Variants in MGAT3 observed in about 807,000 individuals in gnomAD.
MGAT3 encodes the protein beta-1,4-mannosyl-glycoprotein 4-beta-N-acetylglucosaminyltransferase.
MGAT3 carries 9 observed loss-of-function variants against 29.8 expected under a neutral mutation model. The ratio of observed to expected loss-of-function variants is 0.30; its 90% CI spans 0.18 to 0.53. The LOEUF (loss-of-function observed/expected upper bound fraction) is 0.53, where lower values mean the gene tolerates loss of function less well. Among genes scored for constraint, MGAT3 ranks in the 20% least tolerant of loss-of-function variants. MGAT3 has a pLI of 0.96. For missense variants in MGAT3, 557 were observed against 769.5 expected, an observed-to-expected ratio of 0.72 and a Z score of 3.27; for synonymous variants, 397 against 348.9, an observed-to-expected ratio of 1.14 and a Z score of -1.54.
At chr22:39,482,551 A>C (rs949935727) in intron 1 of MGAT3, among the ~76,000 whole-genome samples, 27 of 152,244 alleles carry the variant, frequency 1.8e-4, no homozygotes, top group Non-Finnish European at 3.4e-4. Context: ...GGCAGTTTAA[A>C]TAACCTACCA....
At chr22:39,483,043 C>T (rs749277680) in intron 1 of MGAT3, among the ~76,000 whole-genome samples, 1 of 152,226 alleles carries the variant, frequency 6.6e-6, no homozygotes, top group African/African-American at 2.4e-5. Flanking sequence ...TTCCTTGCCT[C>T]TCTGAGTTCC....
intron 1 of MGAT3, among the ~76,000 whole-genome samples, chr22:39,463,252 C>T (rs1928547036): frequency 6.6e-6 from 1 of 152,252 alleles, no homozygotes; most frequent in Non-Finnish European, 1.5e-5. Flanking sequence ...GCACTATTAT[C>T]ATCCCTGTTT....
intron 1 of MGAT3, among the ~76,000 whole-genome samples, chr22:39,473,359 C>T (rs533933808): frequency 1.6e-4 from 24 of 152,260 alleles, no homozygotes; most frequent in African/African-American, 5.3e-4. Flanking sequence ...CACATGGAGA[C>T]GGGCAGGGCT....
intron 1 of MGAT3, among the ~76,000 whole-genome samples, chr22:39,469,085 T>A (rs1226204402): frequency 9.0e-6 from 1 of 111,712 alleles, no homozygotes; most frequent in Non-Finnish European, 1.8e-5. Flanking sequence ...ATTTGGGAAG[T>A]GCGGGCAGTG....
At position 39,490,486 on chromosome 22, in the gene MGAT3, G is replaced by C. The variant is rs542891844; in HGVS notation, c.*1537G>C. 36 of 167,396 alleles carry C rather than the reference G, an allele frequency of 2.2e-4. No homozygotes were observed. Among genetic ancestry groups the C allele is most frequent in the African/African-American group, 7.2e-4 (30 of 41,576 alleles). The allele number at this position is 167,396 out of a possible 1,614,324, so 10.4% of individuals were successfully genotyped here. A position where few individuals can be genotyped will look rare whatever the true frequency, so the allele number is the denominator to read the frequency against. ...GGGGACCAGTAGCATCTCTGGGAGA[G>C]GGGGAGGGAGCAGCAATAACTCAGT... On this transcript the variant is annotated 3_prime_UTR_variant, in exon 2 of 2. Coordinates refer to ENST00000341184, the MANE Select transcript of MGAT3 (RefSeq NM_002409.5).
In MGAT3 at chr22:39,487,618, G is replaced by C; in HGVS notation, c.271G>C (p.Glu91Gln). 3 of 1,611,690 alleles carry C rather than the reference G, an allele frequency of 1.9e-6. No individual in the cohort carries two copies. Among genetic ancestry groups the C allele is most frequent in the Non-Finnish European group, 2.5e-6 (3 of 1,179,278 alleles). The change falls in exon 2 of 2, where the codon GAG becomes CAG. Residue 91 changes from glutamate to glutamine, a missense_variant. By Grantham distance (29) the Glu-to-Gln change is conservative (BLOSUM62 2). Transcript: ENST00000341184. The surrounding 1 kb of genome is among the most constrained non-coding windows in gnomAD (Gnocchi z 5.7). Reference protein sequence around the residue: ...LQPLPPSKAAEELHRVDLVLP... With the variant: ...LQPLPPSKAAQELHRVDLVLP... ...GCCGCTGCCGCCCAGCAAGGCGGCCGAGGAGCTCCACCGGGTGGACTTGGT... is the reference window on the plus strand; with the variant it reads ...GCCGCTGCCGCCCAGCAAGGCGGCCCAGGAGCTCCACCGGGTGGACTTGGT...
chr22:39,457,157 G>T lies in MGAT3; in HGVS notation c.-402G>T, dbSNP rs1928349695. The stretch of plus-strand genomic sequence containing the variant: ...GGCTGGCGGGGGAGGGGAGGGGGTT[G>T]CGGAGGGGGCGGGGTGGGGGCCGGA... On this transcript the variant is annotated 5_prime_UTR_variant, in exon 1 of 2. Transcript: ENST00000341184. The surrounding 1 kb of genome is among the most constrained non-coding windows in gnomAD (Gnocchi z 6.8). Among the ~76,000 whole-genome samples the T allele has an allele frequency of 6.9e-6, 1 of 145,252 alleles. No homozygotes were observed. The highest frequency in any genetic ancestry group is 2.5e-5 in the African/African-American group (1 of 40,562).
chr22:39,458,079 A>T (rs1304650192), intron 1 of MGAT3, among the ~76,000 whole-genome samples: 1 of 152,124 alleles, frequency 6.6e-6, no homozygotes, highest in Non-Finnish European at 1.5e-5. Flanking sequence ...CCTGGGGACC[A>T]GGCAGAGGCA....
chr22:39,463,517 A>G (rs1357771497), intron 1 of MGAT3, among the ~76,000 whole-genome samples: 4 of 152,184 alleles, frequency 2.6e-5, no homozygotes, highest in Non-Finnish European at 5.9e-5. Flanking sequence ...TGTCTCTGGA[A>G]CGCCTGCTCA....
At chr22:39,470,417 G>A (rs1928775008) in intron 1 of MGAT3, among the ~76,000 whole-genome samples, 3 of 152,232 alleles carry the variant, frequency 2.0e-5, no homozygotes, top group East Asian at 3.8e-4. Flanking sequence ...TGTGGCTGGA[G>A]CCTGGGGGAC....
Position 39,488,531 on chromosome 22 carries a change from A to C in MGAT3, c.1184A>C (p.Tyr395Ser). The change falls in exon 2 of 2, where the codon TAT (tyrosine) becomes TCT (serine). Residue 395 changes from tyrosine to serine, a missense_variant. Tyr to Ser is a moderately radical substitution (Grantham distance 144). Transcript: ENST00000341184. ...QYYTMPNFRQ[Y>S]ENRTGHILVQ... ...TACACCATGCCCAACTTCAGACAGT[A>C]TGAGAACCGCACCGGCCACATCCTG... is the stretch of plus-strand genomic sequence containing the variant. 1 of 1,613,282 alleles carries C rather than the reference A, an allele frequency of 6.2e-7. No homozygotes were observed. Among genetic ancestry groups the C allele is most frequent in the Non-Finnish European group, 8.5e-7 (1 of 1,180,014 alleles).
At chr22:39,480,712 G>A (rs1490348966) in intron 1 of MGAT3, among the ~76,000 whole-genome samples, 1 of 152,234 alleles carries the variant, frequency 6.6e-6, no homozygotes, top group Non-Finnish European at 1.5e-5. Context: ...AGGAGGAGAA[G>A]TAGTGGTTAG....
At chr22:39,482,172 A>T (rs1929147542) in intron 1 of MGAT3, among the ~76,000 whole-genome samples, 1 of 133,884 alleles carries the variant, frequency 7.5e-6, no homozygotes, top group Non-Finnish European at 1.6e-5. Flanking sequence ...TTTTTTGTAG[A>T]GACGGGGTTT....
At chr22:39,476,176 A>T (rs775871274) in intron 1 of MGAT3, among the ~76,000 whole-genome samples, 1 of 103,614 alleles carries the variant, frequency 9.7e-6, no homozygotes, top group Non-Finnish European at 1.9e-5. Flanking sequence ...AGTGGTGCAC[A>T]GGGACTGGAG....
intron 1 of MGAT3, among the ~76,000 whole-genome samples, chr22:39,460,010 T>G (rs1416017201): frequency 1.3e-5 from 2 of 152,228 alleles, no homozygotes; most frequent in Non-Finnish European, 2.9e-5. Context: ...CTCATGCAAT[T>G]CTGGGAAGAC....
chr22:39,489,015 T>A lies in MGAT3; in HGVS notation c.*66T>A. On this transcript the variant is annotated 3_prime_UTR_variant, in exon 2 of 2. Transcript: ENST00000341184. The stretch of plus-strand genomic sequence containing the variant: ...GCGGCGGCCCCTAGCGCTATCTCCC[T>A]GCCTCCTGCCGGCTCCTTGGTTCTT... 16 of 1,235,496 alleles carry A rather than the reference T, an allele frequency of 1.3e-5. No homozygotes were observed. The highest frequency in any genetic ancestry group is 1.6e-5 in the Non-Finnish European group (15 of 953,256). 76.5% of individuals were successfully genotyped at this position (1,235,496 alleles called of 1,614,324 possible). A position where few individuals can be genotyped will look rare whatever the true frequency, so the allele number is the denominator to read the frequency against.
chr22:39,479,886 T>G (rs554714892), intron 1 of MGAT3, among the ~76,000 whole-genome samples: 56 of 152,180 alleles, frequency 3.7e-4, no homozygotes, highest in Middle Eastern at 3.4e-3. Flanking sequence ...TCTAGGGAGC[T>G]TATATGCCAG....
chr22:39,487,565 C>G lies in MGAT3; in HGVS notation c.218C>G (p.Pro73Arg), dbSNP rs757185845. The G allele has an allele frequency of 6.2e-7, 1 of 1,612,622 alleles. No homozygotes were observed. Among genetic ancestry groups the G allele is most frequent in the East Asian group, 2.2e-5 (1 of 44,868 alleles). The stretch of plus-strand genomic sequence containing the variant: ...GGAGGCCCTGACCTGCTGCGTACCC[C>G]ACTCTACTCCCACTCGCCCCTGCTG... ...EPGGPDLLRTPLYSHSPLLQP... is the reference protein window; with the variant it reads ...EPGGPDLLRTRLYSHSPLLQP... Residue 73 changes from proline to arginine, a missense_variant, in exon 2 of 2, where the codon CCA becomes CGA. Coordinates refer to ENST00000341184, the MANE Select transcript of MGAT3 (RefSeq NM_002409.5). This position sits in a 1 kb window ranked among gnomAD's most constrained non-coding sequence, Gnocchi z 5.7.
At chr22:39,464,856 T>G (rs895310141) in intron 1 of MGAT3, among the ~76,000 whole-genome samples, 1 of 151,950 alleles carries the variant, frequency 6.6e-6, no homozygotes. Flanking sequence ...GTTCACGCCA[T>G]TCTCCTACCT....
Sources: gnomAD v4.1 joint callset for allele counts (sites outside exome capture counted in the v4.1 genomes callset) on GRCh38, gnomAD v4.1.1 for gene constraint, Gnocchi (gnomAD v3.1) non-coding constraint, MANE v1.5 for transcripts, NCBI Gene and HGNC (gene_info 2026-07-23, HGNC 2026-07-21) for gene names.